Variants in WDR43 observed in about 807,000 individuals in gnomAD.
WDR43 encodes the protein WD repeat-containing protein 43.
WDR43 carries 13 observed loss-of-function variants against 91.4 expected under a neutral mutation model. The ratio of observed to expected loss-of-function variants is 0.14; its 90% CI spans 0.09 to 0.23. The LOEUF (loss-of-function observed/expected upper bound fraction) is 0.23. Among genes scored for constraint, WDR43 ranks in the 10% least tolerant of loss-of-function variants. The probability of loss-of-function intolerance (pLI) is 1.00; values close to 1 mark genes in which losing one functional copy is unlikely to be tolerated. For synonymous variants in WDR43, 331 were observed against 287.9 expected (o/e 1.15, Z -1.51); for missense variants, 780 against 809.4 (o/e 0.96, Z 0.44).
chr2:28,918,611 C>G (rs774736476), intron 6 of WDR43, among the ~76,000 whole-genome samples: 6 of 152,066 alleles, frequency 3.9e-5, no homozygotes, highest in African/African-American at 1.4e-4. Flanking sequence ...TCAGGTGATC[C>G]GCCCACCTCA....
At chr2:28,922,865 T>G in intron 6 of WDR43, 54 bp from the exon 7 acceptor site, 1 of 1,427,090 alleles carries the variant, frequency 7.0e-7, no homozygotes, top group Non-Finnish European at 9.5e-7. Context: ...TAAGGTAGAT[T>G]GGGGACTGGA....
At chr2:28,939,131 T>G in intron 14 of WDR43, among the ~76,000 whole-genome samples, 1 of 129,140 alleles carries the variant, frequency 7.7e-6, no homozygotes, top group South Asian at 2.6e-4. Context: ...GTGAGAGGGG[T>G]TTTGGGAGGT....
Position 28,946,647 on chromosome 2 carries a change from G to A in WDR43, c.1902G>A (p.Glu634=). ...AGGAGAGTGAAAGTGAAAAAGATGA[G>A]GACGTTGAAGAGGAAGATGAGGATG... is the stretch of plus-strand genomic sequence containing the variant. ...DEEESESEKD[E]DVEEEDEDAE... The change falls in exon 18 of 18, where the codon GAG becomes GAA. Residue 634 remains glutamate (E), a synonymous_variant. Transcript: ENST00000407426. 6 of 1,557,486 alleles carry A rather than the reference G, an allele frequency of 3.9e-6. No individual in the cohort carries two copies. The highest frequency in any genetic ancestry group is 1.7e-4 in the Middle Eastern group (1 of 6,002).
intron 4 of WDR43, 61 bp from the exon 5 acceptor site, chr2:28,914,008 A>T: frequency 1.3e-6 from 2 of 1,586,490 alleles, no homozygotes; most frequent in Non-Finnish European, 1.7e-6. Flanking sequence ...GATAATATAT[A>T]CTATTAATTT....
At chr2:28,898,903 T>C (rs572365770) in intron 1 of WDR43, among the ~76,000 whole-genome samples, 24 of 152,254 alleles carry the variant, frequency 1.6e-4, no homozygotes, top group Non-Finnish European at 2.9e-4. Context: ...TGCTTTTTTC[T>C]GTCTTCATCC....
intron 1 of WDR43, among the ~76,000 whole-genome samples, chr2:28,898,580 T>C (rs759063008): frequency 2.0e-5 from 3 of 152,222 alleles, no homozygotes; most frequent in Non-Finnish European, 4.4e-5. Context: ...AGGAGACTAA[T>C]TGCAGAATGA....
intron 3 of WDR43, 47 bp downstream of exon 3, chr2:28,906,628 T>C (rs1363672970): frequency 6.3e-7 from 1 of 1,585,964 alleles, no homozygotes; most frequent in South Asian, 1.1e-5. Flanking sequence ...CGTGGATAAA[T>C]GCTGGACTTG....
chr2:28,929,777 C>A, intron 11 of WDR43, 67 bp downstream of exon 11: 1 of 1,491,038 alleles, frequency 6.7e-7, no homozygotes, highest in Non-Finnish European at 9.2e-7. Context: ...ATTGACATAG[C>A]ACATTCACAG....
intron 4 of WDR43, chr2:28,913,609 G>A: frequency 1.9e-6 from 1 of 516,758 alleles, no homozygotes; most frequent in Non-Finnish European, 3.9e-6. Flanking sequence ...TGGAGATTTA[G>A]TATTATATTT....
At chr2:28,942,275 A>C in intron 15 of WDR43, 37 bp from the exon 16 acceptor site, 1 of 1,600,964 alleles carries the variant, frequency 6.2e-7, no homozygotes, top group Non-Finnish European at 8.5e-7. Flanking sequence ...GGATATGTTT[A>C]CACTCTACTT....
chr2:28,931,374 C>T lies in WDR43; in HGVS notation c.1437+1664C>T, dbSNP rs189492320. ...GGATTACAGGCGTGAGCCACTGTGC[C>T]GGCCTATTTTTGCTTTCTTTAAAAC... On this transcript the variant is annotated intron_variant, in intron 11 of 17. Coordinates refer to ENST00000407426, the MANE Select transcript of WDR43 (RefSeq NM_015131.3). 2.5e-4 allele frequency among the ~76,000 whole-genome samples: 38 copies of T among 152,326 alleles called. No homozygotes were observed. The East Asian group carries it at 2.7e-3, about 11-fold the overall frequency.
At position 28,914,264 on chromosome 2, in the gene WDR43, T is replaced by A; in HGVS notation, c.746+56T>A. On this transcript the variant is annotated intron_variant, in intron 5 of 17. Coordinates refer to ENST00000407426, the MANE Select transcript of WDR43 (RefSeq NM_015131.3). ...CATTGAAAGAATCTGTCAGAGCTTA[T>A]GTAGTTAATGTAAATTATGAATATG... The A allele has an allele frequency of 5.3e-6, 8 of 1,523,796 alleles. No homozygotes were observed. In the South Asian group the frequency reaches 1.0e-4, roughly 20 times the overall value. 94.4% of individuals were successfully genotyped at this position (1,523,796 alleles called of 1,614,324 possible).
intron 8 of WDR43, 117 bp from the exon 9 acceptor site, chr2:28,926,350 TA>T: frequency 1.3e-6 from 1 of 742,206 alleles, no homozygotes; most frequent in East Asian, 2.8e-5. Context: ...TAATATTTTA[TA>T]AAAATGCACA....
intron 5 of WDR43, among the ~76,000 whole-genome samples, chr2:28,916,053 GCA>G (rs1263751624): frequency 6.6e-6 from 1 of 152,170 alleles, no homozygotes; most frequent in Admixed American, 6.5e-5. Flanking sequence ...GTAATGAACT[GCA>G]CATACCAGAG....
At chr2:28,906,939 A>G (rs1022803773) in intron 3 of WDR43, among the ~76,000 whole-genome samples, 4 of 151,998 alleles carry the variant, frequency 2.6e-5, no homozygotes, top group Non-Finnish European at 5.9e-5. Context: ...GGGTGGAGAA[A>G]AGAAGTTGGG....
At position 28,936,916 on chromosome 2, in the gene WDR43, C is replaced by G. The variant is rs761920859; in HGVS notation, c.1525-6C>G. ...CTGTTGTTAATAGTGTTTTTCTCTC[C>G]CTTAGCTTACAAAGAGGTTACAAGG... On this transcript the variant is annotated splice_polypyrimidine_tract_variant and splice_region_variant and intron_variant, in intron 12 of 17. Transcript: ENST00000407426. 2.5e-6 allele frequency: 4 copies of G among 1,570,628 alleles called. No individual in the cohort carries two copies. The East Asian group carries it at 9.3e-5, about 36-fold the overall frequency.
At chr2:28,943,439 C>G (rs1671486300) in intron 16 of WDR43, among the ~76,000 whole-genome samples, 1 of 152,150 alleles carries the variant, frequency 6.6e-6, no homozygotes, top group South Asian at 2.1e-4. Context: ...CTGGGCTGTC[C>G]TTTTTGTCAT....
intron 6 of WDR43, among the ~76,000 whole-genome samples, chr2:28,921,131 A>T (rs529847311): frequency 0.063 from 9,239 of 147,716 alleles, 948 homozygotes; most frequent in African/African-American, 0.22. Context: ...TTTAAAAAAA[A>T]TTTTTTTTTT....
At chr2:28,907,468 A>AAATAG (rs34947681) in intron 3 of WDR43, among the ~76,000 whole-genome samples, 6 of 120,280 alleles carry the variant, frequency 5.0e-5, no homozygotes, top group African/African-American at 1.9e-4. Context: ...AAAAAAAAAA[A>AAATAG]TTGGGTGTGG....
Sources: allele counts gnomAD v4.1 joint callset (sites outside exome capture counted in the v4.1 genomes callset), GRCh38; gene constraint gnomAD v4.1.1; transcripts MANE v1.5; gene names NCBI Gene and HGNC (gene_info 2026-07-23, HGNC 2026-07-21).